The following CFAP74 variants were observed in gnomAD, a reference collection of about 807,000 sequenced individuals.
The protein encoded by CFAP74 is cilia and flagella associated protein 74.
A neutral mutation model predicts 188.9 loss-of-function variants in CFAP74; 124 were observed. The observed-to-expected ratio is 0.66, with a 90% CI of 0.57 to 0.76. The LOEUF (loss-of-function observed/expected upper bound fraction) is 0.76. CFAP74 is among the 30% of genes least tolerant of loss of function. The pLI is 0.00. For missense variants in CFAP74, 2,198 were observed against 2,165.2 expected (o/e 1.02, Z -0.30); for synonymous variants, 956 against 916.7 (o/e 1.04, Z -0.77).
chr1:1,944,181 C>T (rs1653584173), intron 21 of CFAP74, 150 bp downstream of exon 21: 1 of 1,416,762 alleles, frequency 7.1e-7, no homozygotes. Context: ...GGGCTCACCG[C>T]GTGTGCACAG....
intron 25 of CFAP74, among the ~76,000 whole-genome samples, chr1:1,933,506 T>C (rs1048704084): frequency 1.3e-5 from 2 of 152,234 alleles, no homozygotes; most frequent in Non-Finnish European, 2.9e-5. Flanking sequence ...TCTATATTTT[T>C]CCTGTGTCCA....
At chr1:1,966,310 C>T (rs576740187) in intron 12 of CFAP74, 61 bp downstream of exon 12, 14,317 of 1,399,716 alleles carry the variant, frequency 0.01, 109 homozygotes, top group Non-Finnish European at 0.012. Flanking sequence ...TGGGAGGTGG[C>T]GAGCCGGCGA....
Position 1,959,920 on chromosome 1 carries a change from A to G in CFAP74, c.1761+44T>C, listed in dbSNP as rs370120252. 7 of 1,521,764 alleles carry G rather than the reference A, an allele frequency of 4.6e-6. No homozygotes were observed. In the South Asian group the frequency reaches 4.9e-5, roughly 11 times the overall value. 94.3% of individuals were successfully genotyped at this position (1,521,764 alleles called of 1,614,324 possible). The stretch of plus-strand genomic sequence containing the variant: ...CCATGCCCGATCACAGGCTCCACCC[A>G]CCACCACCTCCCCTTCGAGAGAGAA... On this transcript the variant is annotated intron_variant, in intron 15 of 38. Coordinates refer to ENST00000682832, the MANE Select transcript of CFAP74 (RefSeq NM_001304360.2).
In CFAP74 at chr1:1,970,919, GCA is replaced by G. The variant is rs1570944316; in HGVS notation, c.889-105_889-104del. On this transcript the variant is annotated intron_variant, in intron 9 of 38. Coordinates refer to ENST00000682832, the MANE Select transcript of CFAP74 (RefSeq NM_001304360.2). The stretch of plus-strand genomic sequence containing the variant: ...CACACAGGTTCATACATGCACACGT[GCA>G]CACACGTGCACACACACATGCACAC... 10 of 1,313,932 alleles carry G rather than the reference GCA, an allele frequency of 7.6e-6. No homozygotes were observed. The East Asian group carries it at 2.3e-4, about 31-fold the overall frequency. The allele number at this position is 1,313,932 out of a possible 1,614,324, so 81.4% of individuals were successfully genotyped here.
In CFAP74 at chr1:1,956,762, A is replaced by G. The variant is rs754703199; in HGVS notation, c.1874T>C (p.Ile625Thr). ...KCSLSLDKEL[I>T]DFGSYVVGET... ...TCCTACCACGTAGCTGCCGAAGTCA[A>G]TGAGCTCCTTGTCGAGGGACAGCTG... is the stretch of plus-strand genomic sequence containing the variant. Residue 625 changes from isoleucine (I) to threonine (T), a missense_variant, in exon 17 of 39, where the codon ATT becomes ACT. Coordinates refer to ENST00000682832, the MANE Select transcript of CFAP74 (RefSeq NM_001304360.2). 2 of 1,613,390 alleles carry G rather than the reference A, an allele frequency of 1.2e-6. No homozygotes were observed. Among genetic ancestry groups the G allele is most frequent in the Middle Eastern group, 1.7e-4 (1 of 6,060 alleles).
At chr1:1,987,146 C>G in intron 4 of CFAP74, 111 bp from the exon 5 acceptor site, 2 of 788,006 alleles carry the variant, frequency 2.5e-6, no homozygotes, top group Non-Finnish European at 4.1e-6. Flanking sequence ...CCCCAGAGCC[C>G]CCCTCACCCG....
At chr1:1,931,432 TAAAAAAA>T (rs34892654) in intron 25 of CFAP74, among the ~76,000 whole-genome samples, 1 of 75,388 alleles carries the variant, frequency 1.3e-5, no homozygotes, top group African/African-American at 5.8e-5. Flanking sequence ...CCCATCTCAA[TAAAAAAA>T]AAAAAAAAAA....
rs749548320 is a variant in CFAP74, at chr1:1,965,039, C to T, written c.1424G>A (p.Arg475Gln). 9.9e-6 allele frequency: 16 copies of T among 1,613,278 alleles called. No homozygotes were observed. Among genetic ancestry groups the T allele is most frequent in the East Asian group, 4.5e-5 (2 of 44,870 alleles). Residue 475 changes from arginine (R) to glutamine (Q), a missense_variant, in exon 13 of 39, where the codon CGA (arginine) becomes CAA (glutamine). Coordinates refer to ENST00000682832, the MANE Select transcript of CFAP74 (RefSeq NM_001304360.2). ...CATCTTTGTCCCGCCCACGGGCTTT[C>T]GGTCCACGTCCTCCTTGGGCACCTG... ...PYQVPKEDVD[R>Q]KPVGGTKMDK...
At chr1:1,927,861 A>C in intron 27 of CFAP74, 115 bp from the exon 28 acceptor site, 1 of 1,229,298 alleles carries the variant, frequency 8.1e-7, no homozygotes, top group Non-Finnish European at 1.1e-6. Flanking sequence ...TTGGGATTGA[A>C]TGTGGGGACG....
At chr1:1,987,450 C>G (rs977884689) in intron 4 of CFAP74, among the ~76,000 whole-genome samples, 2 of 152,058 alleles carry the variant, frequency 1.3e-5, no homozygotes, top group African/African-American at 4.8e-5. Flanking sequence ...GGGCATGGGC[C>G]GGGACAGAAT....
rs758971576 is a variant in CFAP74, at chr1:1,968,874, T to A, written c.1047-41A>T. ...TCTCAGATGAGTGCAAGAGGTCCCC[T>A]GCCTCCACCTTGCCCCAGATGAGAC... is the stretch of plus-strand genomic sequence containing the variant. On this transcript the variant is annotated intron_variant, in intron 10 of 38. Transcript: ENST00000682832. The surrounding 1 kb of genome is among the most constrained non-coding windows in gnomAD (Gnocchi z 4.3). 19 of 1,593,156 alleles carry A rather than the reference T, an allele frequency of 1.2e-5. No individual in the cohort carries two copies. The Admixed American group carries it at 3.0e-4, about 25-fold the overall frequency.
rs114206046 is a variant in CFAP74 at position 1,968,869 on chromosome 1, T to C, written c.1047-36A>G. The C allele has an allele frequency of 6.4e-3, 10,153 of 1,598,678 alleles. 346 individuals carry two copies. The East Asian group carries it at 0.081, about 13-fold the overall frequency. On this transcript the variant is annotated intron_variant, in intron 10 of 38. Transcript: ENST00000682832. The surrounding 1 kb of genome is among the most constrained non-coding windows in gnomAD (Gnocchi z 4.3). ...TCGCTTCTCAGATGAGTGCAAGAGG[T>C]CCCCTGCCTCCACCTTGCCCCAGAT...
chr1:1,964,840 T>C (rs1363032185), intron 13 of CFAP74, 48 bp downstream of exon 13: 3 of 1,604,658 alleles, frequency 1.9e-6, no homozygotes, highest in African/African-American at 1.3e-5. Context: ...GCTCCCCTGC[T>C]GTCCTGTGCT....
Position 1,924,520 on chromosome 1 carries a change from G to A in CFAP74, c.4105C>T (p.Leu1369=), listed in dbSNP as rs1439298564. ...ATGGGGAGCAGAGAGTTGTTCTGCA[G>A]CTGCAGAGAGCAGGCCGCGGTCACT... The part of the protein sequence containing the change: ...AGESVSSGFK[L]QNNSLLPIKF... Residue 1369 remains leucine, a splice_region_variant and synonymous_variant, in exon 34 of 39, where the codon CTG becomes TTG. Coordinates refer to ENST00000682832, the MANE Select transcript of CFAP74 (RefSeq NM_001304360.2). 6.2e-7 allele frequency: 1 copy of A among 1,603,620 alleles called. No homozygotes were observed. Among genetic ancestry groups the A allele is most frequent in the Admixed American group, 1.7e-5 (1 of 59,038 alleles).
At chr1:1,934,768 C>T (rs200812430) in intron 25 of CFAP74, among the ~76,000 whole-genome samples, 1 of 104,014 alleles carries the variant, frequency 9.6e-6, no homozygotes, top group Non-Finnish European at 1.9e-5. Context: ...TAGGTACACA[C>T]GTGTGTACGT....
rs773982735 is a variant in CFAP74 at position 1,968,663 on chromosome 1, GTCT to G, written c.1214_1216del (p.Lys405del). On this transcript the variant is annotated inframe_deletion, in exon 11 of 39. Coordinates refer to ENST00000682832, the MANE Select transcript of CFAP74 (RefSeq NM_001304360.2). This position sits in a 1 kb window ranked among gnomAD's most constrained non-coding sequence, Gnocchi z 4.3. The stretch of plus-strand genomic sequence containing the variant: ...TGTGTACGTGTTGGTTGGGACTGTG[GTCT>G]TCTTGCAAAAGTCAGAAATGTAGTT... 21 of 1,603,302 alleles carry G rather than the reference GTCT, an allele frequency of 1.3e-5. No homozygotes were observed. Among genetic ancestry groups the G allele is most frequent in the Non-Finnish European group, 1.8e-5 (21 of 1,174,664 alleles).
intron 38 of CFAP74, 39 bp from the exon 39 acceptor site, chr1:1,922,427 G>T: frequency 6.3e-7 from 1 of 1,581,698 alleles, no homozygotes. Flanking sequence ...CCTTCAGTCA[G>T]TGGGCACCCA....
chr1:1,986,015 G>A (rs1657213179), intron 5 of CFAP74, among the ~76,000 whole-genome samples: 1 of 152,212 alleles, frequency 6.6e-6, no homozygotes, highest in African/African-American at 2.4e-5. Flanking sequence ...ACGGGTGGTG[G>A]GCTTTGAGCA....
intron 9 of CFAP74, among the ~76,000 whole-genome samples, chr1:1,971,165 ATGCACACCTGCACACACG>A (rs1655996502): frequency 6.6e-6 from 1 of 150,934 alleles, no homozygotes; most frequent in Non-Finnish European, 1.5e-5. Flanking sequence ...CTGGACACAC[ATGCACACCTGCACACACG>A]TGCACAGACG....
Sources: gnomAD v4.1 joint callset for allele counts (sites outside exome capture counted in the v4.1 genomes callset) on GRCh38, gnomAD v4.1.1 for gene constraint, Gnocchi (gnomAD v3.1) non-coding constraint, MANE v1.5 for transcripts, NCBI Gene and HGNC (gene_info 2026-07-23, HGNC 2026-07-21) for gene names.